SIRT2: variants seen among roughly 807,000 people sequenced by gnomAD.
SIRT2 encodes NAD-dependent protein deacetylase sirtuin-2.
A neutral mutation model predicts 57.4 loss-of-function variants in SIRT2; 40 were observed. The ratio of observed to expected loss-of-function variants is 0.70; its 90% confidence interval spans 0.54 to 0.91. SIRT2 has a LOEUF of 0.91. Among genes scored for constraint, SIRT2 ranks in the 40% least tolerant of loss-of-function variants. SIRT2 has a pLI of 0.00. For missense variants in SIRT2, 439 were observed against 510.4 expected (o/e 0.86, Z 1.35); for synonymous variants, 161 against 195.7 (o/e 0.82, Z 1.48).
chr19:38,885,717 G>A (rs1973313404), intron 8 of SIRT2, among the ~76,000 whole-genome samples: 1 of 150,882 alleles, frequency 6.6e-6, no homozygotes, highest in Admixed American at 6.6e-5. Flanking sequence ...CAGCCTTCCA[G>A]GTAGCTGGGA....
chr19:38,897,026 G>A (rs1394616400), intron 2 of SIRT2, among the ~76,000 whole-genome samples: 2 of 152,188 alleles, frequency 1.3e-5, no homozygotes, highest in Non-Finnish European at 2.9e-5. Flanking sequence ...CAGGTGGCGT[G>A]CCCAGTGCTG....
At position 38,880,650 on chromosome 19, in the gene SIRT2, C is replaced by G. The variant is rs377402954; in HGVS notation, c.876+35G>C. On this transcript the variant is annotated intron_variant, in intron 13 of 15. Transcript: ENST00000249396. The surrounding 1 kb of genome is among the most constrained non-coding windows in gnomAD (Gnocchi z 4.1). ...GAAAAGGGTGAGAGGGAAGGGGGAG[C>G]CTGTGACGACGGGGGCTTGAAGAAG... 7 of 1,489,582 alleles carry G rather than the reference C, an allele frequency of 4.7e-6. No individual in the cohort carries two copies. The highest frequency in any genetic ancestry group is 4.5e-6 in the Non-Finnish European group (5 of 1,104,066). 92.3% of individuals were successfully genotyped at this position (1,489,582 alleles called of 1,614,324 possible).
chr19:38,899,246 A>T (rs17884442), intron 1 of SIRT2, among the ~76,000 whole-genome samples: 10,185 of 152,068 alleles, frequency 0.067, 917 homozygotes, highest in African/African-American at 0.2. Context: ...GCAGCGAGGG[A>T]CCTTAGCAAC....
intron 8 of SIRT2, 149 bp downstream of exon 8, chr19:38,888,938 T>C: frequency 1.5e-6 from 1 of 671,608 alleles, no homozygotes; most frequent in Non-Finnish European, 2.6e-6. Context: ...CGGCAGGTCA[T>C]GCAGCAAGGA....
intron 8 of SIRT2, among the ~76,000 whole-genome samples, chr19:38,888,548 A>G (rs893881916): frequency 7.2e-5 from 11 of 152,184 alleles, no homozygotes; most frequent in Non-Finnish European, 1.2e-4. Flanking sequence ...CCTTGCTTGA[A>G]TGCCCCAGGG....
At chr19:38,884,302 A>G (rs1433519266) in intron 8 of SIRT2, among the ~76,000 whole-genome samples, 2 of 152,190 alleles carry the variant, frequency 1.3e-5, no homozygotes, top group Admixed American at 6.5e-5. Flanking sequence ...ATTAACATAC[A>G]TTTACAATGT....
At chr19:38,897,196 A>G (rs1484077090) in intron 2 of SIRT2, among the ~76,000 whole-genome samples, 1 of 152,184 alleles carries the variant, frequency 6.6e-6, no homozygotes, top group East Asian at 1.9e-4. Context: ...GTTTGGCACT[A>G]AACAGTGGGC....
In SIRT2 at chr19:38,879,273, C is replaced by T. The variant is rs1352190697; in HGVS notation, c.1052G>A (p.Ser351Asn). 6.2e-7 allele frequency: 1 copy of T among 1,611,594 alleles called. No homozygotes were observed. Among genetic ancestry groups the T allele is most frequent in the Non-Finnish European group, 8.5e-7 (1 of 1,179,310 alleles). The part of the protein sequence containing the change: ...LEDLVRREHA[S>N]IDAQSGAGVP... ...CCCCGCCCCCGACTGGGCATCTATG[C>T]TGGCGTGCTCCCTCCGGACAAGGTC... The change falls in exon 16 of 16, where the codon AGC becomes AAC. Residue 351 changes from serine (S) to asparagine (N), a missense_variant. Transcript: ENST00000249396.
Position 38,893,804 on chromosome 19 carries a change from C to CATCTCCCTG in SIRT2, c.112+14_112+15insCAGGGAGAT. On this transcript the variant is annotated intron_variant, in intron 3 of 15. Transcript: ENST00000249396. ...CCCAGAACCCTGCTCCCTGTCCCTCCAGGAAGATACTCACTGTCTGCTTCT... is the reference window on the plus strand; with the variant it reads ...CCCAGAACCCTGCTCCCTGTCCCTCCATCTCCCTGAGGAAGATACTCACTGTCTGCTTCT... 6.2e-7 allele frequency: 1 copy of CATCTCCCTG among 1,613,922 alleles called. No homozygotes were observed. The highest frequency in any genetic ancestry group is 1.3e-5 in the African/African-American group (1 of 75,034).
chr19:38,898,406 G>A lies in SIRT2; in HGVS notation c.36C>T (p.Thr12=). 1 of 1,554,228 alleles carries A rather than the reference G, an allele frequency of 6.4e-7. No individual in the cohort carries two copies. The highest frequency in any genetic ancestry group is 8.8e-7 in the Non-Finnish European group (1 of 1,142,200). ...GAGCCTCCTGCACCTTCCCTGCCTGGGTCTCCAGAGGGTGAGAGGCTGGGG... is the reference window on the plus strand; with the variant it reads ...GAGCCTCCTGCACCTTCCCTGCCTGAGTCTCCAGAGGGTGAGAGGCTGGGG... ...AEPDPSHPLE[T]QAGKVQEAQD... is the part of the protein sequence containing the mutation. Residue 12 remains threonine (T), a synonymous_variant, in exon 2 of 16, where the codon ACC becomes ACT. Coordinates refer to ENST00000249396, the MANE Select transcript of SIRT2 (RefSeq NM_012237.4).
chr19:38,892,073 A>C (rs1904308896), intron 4 of SIRT2: 2 of 359,976 alleles, frequency 5.6e-6, no homozygotes, highest in South Asian at 4.2e-5. Context: ...GGTTTCTCAG[A>C]CTTTGGTGAC....
chr19:38,884,448 G>GTT (rs1292961224), intron 8 of SIRT2, among the ~76,000 whole-genome samples: 18 of 151,714 alleles, frequency 1.2e-4, no homozygotes, highest in African/African-American at 3.6e-4. Context: ...TTGTTTGTTT[G>GTT]TTTGTTTGTT....
chr19:38,889,946 T>TC lies in SIRT2; in HGVS notation c.283dup (p.Asp95GlyfsTer11), dbSNP rs768714344. ...GAGGCCGGTGGATGGAGAGCGAAAG[T>TC]CGGGGATGCCTGCGGCTAGGAAAGG... On this transcript the variant is annotated frameshift_variant, in exon 6 of 16. Transcript: ENST00000249396. LOFTEE classifies it high-confidence loss of function. 5.6e-6 allele frequency: 9 copies of TC among 1,613,858 alleles called. No individual in the cohort carries two copies. Among genetic ancestry groups the TC allele is most frequent in the Admixed American group, 1.7e-5 (1 of 60,006 alleles).
rs202089013 is a variant in SIRT2 at position 38,883,675 on chromosome 19, A to G, written c.583T>C (p.Cys195Arg). 1.2e-6 allele frequency: 2 copies of G among 1,614,122 alleles called. No homozygotes were observed. Among genetic ancestry groups the G allele is most frequent in the Middle Eastern group, 3.3e-4 (2 of 6,062 alleles). Reference protein sequence around the residue: ...EAHGTFYTSHCVSASCRHEYP... With the variant: ...EAHGTFYTSHRVSASCRHEYP... Reference sequence around the variant, plus strand: ...TCGTGCCGGCAGCTGGCGCTGACGCAGTGTGATGTGTAGAAGGTGCCGTGC... The same window carrying G: ...TCGTGCCGGCAGCTGGCGCTGACGCGGTGTGATGTGTAGAAGGTGCCGTGC... The change falls in exon 9 of 16, where the codon TGC (cysteine) becomes CGC (arginine). Residue 195 changes from cysteine to arginine, a missense_variant. By Grantham distance (180) the Cys-to-Arg change is radical. Transcript: ENST00000249396.
Position 38,879,215 on chromosome 19 carries a change from C to A in SIRT2, c.1110G>T (p.Lys370Asn), listed in dbSNP as rs1200341993. The A allele has an allele frequency of 6.3e-7, 1 of 1,593,208 alleles. No individual in the cohort carries two copies. The highest frequency in any genetic ancestry group is 8.5e-7 in the Non-Finnish European group (1 of 1,174,430). ...CGTCCTTGGCAGGTGGCGGGGACTT[C>A]TTGGGGGAAGCTGAAGTGCTGGGGT... ...VPNPSTSASP[K>N]KSPPPAKDEA... is the part of the protein sequence containing the mutation. The change falls in exon 16 of 16, where the codon AAG becomes AAT. Residue 370 changes from lysine (K) to asparagine (N), a missense_variant. Coordinates refer to ENST00000249396, the MANE Select transcript of SIRT2 (RefSeq NM_012237.4).
At chr19:38,886,946 T>G (rs1600114917) in intron 8 of SIRT2, among the ~76,000 whole-genome samples, 1 of 151,944 alleles carries the variant, frequency 6.6e-6, no homozygotes, top group South Asian at 2.1e-4. Context: ...GTCATTTTTT[T>G]TCTTTTTTTG....
At chr19:38,892,289 G>C (rs974239261) in intron 4 of SIRT2, among the ~76,000 whole-genome samples, 16 of 151,910 alleles carry the variant, frequency 1.1e-4, no homozygotes, top group African/African-American at 3.6e-4. Context: ...CCAGCCACTC[G>C]GGAGGCTGAG....
At chr19:38,889,605 T>C (rs1973457414) in intron 7 of SIRT2, 84 bp downstream of exon 7, 7 of 1,488,600 alleles carry the variant, frequency 4.7e-6, no homozygotes, top group Non-Finnish European at 6.5e-6. Context: ...ACATAATATT[T>C]GTCTGCAGGG....
chr19:38,888,531 G>A (rs962568930), intron 8 of SIRT2, among the ~76,000 whole-genome samples: 1 of 152,158 alleles, frequency 6.6e-6, no homozygotes, highest in Non-Finnish European at 1.5e-5. Flanking sequence ...CCAACAATGT[G>A]AGCCATCCTT....
Sources: allele counts gnomAD v4.1 joint callset (sites outside exome capture counted in the v4.1 genomes callset), GRCh38; gene constraint gnomAD v4.1.1; non-coding constraint Gnocchi (gnomAD v3.1); transcripts MANE v1.5; gene names NCBI Gene and HGNC (gene_info 2026-07-23, HGNC 2026-07-21).